RRP1B: variants seen among roughly 807,000 people sequenced by gnomAD.
RRP1B encodes ribosomal RNA processing protein 1 homolog B.
A neutral mutation model predicts 80.2 loss-of-function variants in RRP1B; 56 were observed. That is an observed-to-expected ratio of 0.70 (90% CI 0.56 to 0.87). RRP1B has a LOEUF of 0.87. Ranked by LOEUF, RRP1B falls within the 40% of genes least tolerant of loss-of-function variation. RRP1B has a pLI of 0.00. For synonymous variants in RRP1B, 351 were observed against 357.6 expected (o/e 0.98, Z 0.21); for missense variants, 807 against 939.8 (o/e 0.86, Z 1.85).
chr21:43,682,218 G>A (rs772726746), intron 8 of RRP1B, among the ~76,000 whole-genome samples: 4 of 152,234 alleles, frequency 2.6e-5, no homozygotes, highest in African/African-American at 9.6e-5. Flanking sequence ...GGGTCCCTCC[G>A]CTCCCCACAT....
chr21:43,691,290 A>G lies in RRP1B; in HGVS notation c.2020-149A>G, dbSNP rs2083085257. 1.5e-6 allele frequency: 1 copy of G among 645,444 alleles called. No individual in the cohort carries two copies. The highest frequency in any genetic ancestry group is 1.8e-5 in the African/African-American group (1 of 54,786). 40.0% of individuals were successfully genotyped at this position (645,444 alleles called of 1,614,324 possible). A position where few individuals can be genotyped will look rare whatever the true frequency, so the allele number is the denominator to read the frequency against. On this transcript the variant is annotated intron_variant, in intron 14 of 15. Coordinates refer to ENST00000340648, the MANE Select transcript of RRP1B (RefSeq NM_015056.3). The surrounding 1 kb of genome is among the most constrained non-coding windows in gnomAD (Gnocchi z 4.2). Reference sequence around the variant, plus strand: ...GAGGGTCGGTTTCAGTCTTGGCCGCAGTCCCTTTGGCCTCTCCCTATATGT... The same window carrying G: ...GAGGGTCGGTTTCAGTCTTGGCCGCGGTCCCTTTGGCCTCTCCCTATATGT...
rs2082938413 is a variant in RRP1B, at chr21:43,659,631, G to C, written c.-34G>C. The stretch of plus-strand genomic sequence containing the variant: ...GCTCGGCTGGCTGCAGCGGCACCGC[G>C]GGTTGCGCGGCCGGGGATGCTCCAG... On this transcript the variant is annotated 5_prime_UTR_variant, in exon 1 of 16. Transcript: ENST00000340648. This position sits in a 1 kb window ranked among gnomAD's most constrained non-coding sequence, Gnocchi z 4.2. The C allele has an allele frequency of 6.9e-6, 10 of 1,446,452 alleles. No homozygotes were observed. Among genetic ancestry groups the C allele is most frequent in the Non-Finnish European group, 8.2e-6 (9 of 1,097,920 alleles). 89.6% of individuals were successfully genotyped at this position (1,446,452 alleles called of 1,614,324 possible). A position where few individuals can be genotyped will look rare whatever the true frequency, so the allele number is the denominator to read the frequency against.
rs745999897 is a variant in RRP1B, at chr21:43,688,162, G to A, written c.1788G>A (p.Arg596=). The change falls in exon 13 of 16, where the codon AGG becomes AGA. Residue 596 remains arginine (R), a synonymous_variant. Transcript: ENST00000340648. ...PSQKTASLKK[R]KKMRVMSNLV... Reference sequence around the variant, plus strand: ...AGAAAACAGCAAGTTTGAAAAAGAGGAAGAAAATGAGAGTGATGTCAAACT... The same window carrying A: ...AGAAAACAGCAAGTTTGAAAAAGAGAAAGAAAATGAGAGTGATGTCAAACT... The A allele has an allele frequency of 1.3e-6, 2 of 1,577,390 alleles. No individual in the cohort carries two copies. The highest frequency in any genetic ancestry group is 1.7e-6 in the Non-Finnish European group (2 of 1,160,762).
intron 1 of RRP1B, among the ~76,000 whole-genome samples, chr21:43,666,365 A>G (rs2082977932): frequency 6.6e-6 from 1 of 151,954 alleles, no homozygotes; most frequent in Admixed American, 6.6e-5. Context: ...GGAGAAAAAC[A>G]AGGTGCTGGC....
At position 43,684,668 on chromosome 21, in the gene RRP1B, G is replaced by A. The variant is rs780230775; in HGVS notation, c.989+18G>A. 7.6e-6 allele frequency: 12 copies of A among 1,587,974 alleles called. No individual in the cohort carries two copies. In the Admixed American group the frequency reaches 2.0e-4, roughly 26 times the overall value. On this transcript the variant is annotated intron_variant, in intron 10 of 15. Coordinates refer to ENST00000340648, the MANE Select transcript of RRP1B (RefSeq NM_015056.3). ...ATCAAGAAGTCAGTAACTGGGGAGA[G>A]GGTTCTGACATCATCATTCCTTTAG... is the stretch of plus-strand genomic sequence containing the variant.
At chr21:43,690,240 G>T (rs778990570) in intron 13 of RRP1B, 48 bp from the exon 14 acceptor site, 19 of 1,602,184 alleles carry the variant, frequency 1.2e-5, no homozygotes, top group Non-Finnish European at 1.6e-5. Flanking sequence ...AGCACAGGAG[G>T]CTCTGTCGTC....
At chr21:43,681,762 G>A (rs1356065652) in intron 8 of RRP1B, among the ~76,000 whole-genome samples, 1 of 152,220 alleles carries the variant, frequency 6.6e-6, no homozygotes, top group Non-Finnish European at 1.5e-5. Context: ...GACCAGCTTG[G>A]GCAACATAAC....
chr21:43,681,634 C>G (rs2083044144), intron 8 of RRP1B, among the ~76,000 whole-genome samples: 1 of 152,164 alleles, frequency 6.6e-6, no homozygotes. Flanking sequence ...CCACCATGCC[C>G]GGCCAAGAAT....
rs1371354810 is a variant in RRP1B, at chr21:43,659,700, T to C, written c.36T>C (p.Phe12=). 6.5e-7 allele frequency: 1 copy of C among 1,528,392 alleles called. No homozygotes were observed. The highest frequency in any genetic ancestry group is 8.8e-7 in the Non-Finnish European group (1 of 1,137,008). The allele number at this position is 1,528,392 out of a possible 1,614,324, so 94.7% of individuals were successfully genotyped here. A position where few individuals can be genotyped will look rare whatever the true frequency, so the allele number is the denominator to read the frequency against. ...APAMQPAEIQ[F]AQRLASSEKG... is the part of the protein sequence containing the mutation. ...CCATGCAGCCGGCCGAGATCCAATT[T>C]GCCCAGCGGCTGGCGTCCAGCGAGA... The change falls in exon 1 of 16, where the codon TTT becomes TTC. Residue 12 remains phenylalanine, a synonymous_variant. Coordinates refer to ENST00000340648, the MANE Select transcript of RRP1B (RefSeq NM_015056.3). The surrounding 1 kb of genome is among the most constrained non-coding windows in gnomAD (Gnocchi z 4.2).
intron 13 of RRP1B, among the ~76,000 whole-genome samples, chr21:43,689,128 G>A (rs1163257613): frequency 4.6e-5 from 7 of 152,232 alleles, no homozygotes; most frequent in African/African-American, 1.4e-4. Flanking sequence ...GGCCAGGGCC[G>A]GCAAACGTAG....
intron 6 of RRP1B, among the ~76,000 whole-genome samples, chr21:43,675,629 G>C (rs1388220877): frequency 6.6e-6 from 1 of 151,912 alleles, no homozygotes; most frequent in East Asian, 1.9e-4. Context: ...GTATTTTTTT[G>C]ATTAAAAGAA....
At chr21:43,672,201 C>T in intron 2 of RRP1B, 107 bp from the exon 3 acceptor site, 1 of 878,472 alleles carries the variant, frequency 1.1e-6, no homozygotes, top group South Asian at 1.4e-5. Flanking sequence ...ACAAGAGGGG[C>T]AGACCTTCCC....
Position 43,683,280 on chromosome 21 carries a change from A to G in RRP1B, c.798A>G (p.Ala266=). ...LRRAVSKKKT[A]LGKNHSRKDG... is the part of the protein sequence containing the mutation. ...TGGTCTTTGGGTATATTTTGACAGCACTGGGCAAAAACCATTCCAGAAAAG... is the reference window on the plus strand; with the variant it reads ...TGGTCTTTGGGTATATTTTGACAGCGCTGGGCAAAAACCATTCCAGAAAAG... Residue 266 remains alanine, a splice_region_variant and synonymous_variant, in exon 9 of 16, where the codon GCA becomes GCG. Transcript: ENST00000340648. 1 of 1,613,928 alleles carries G rather than the reference A, an allele frequency of 6.2e-7. No individual in the cohort carries two copies. The highest frequency in any genetic ancestry group is 8.5e-7 in the Non-Finnish European group (1 of 1,179,772).
At position 43,691,493 on chromosome 21, in the gene RRP1B, A is replaced by G. The variant is rs1158957635; in HGVS notation, c.2074A>G (p.Met692Val). 6.2e-7 allele frequency: 1 copy of G among 1,614,096 alleles called. No homozygotes were observed. Residue 692 changes from methionine to valine, a missense_variant, in exon 15 of 16, where the codon ATG becomes GTG. Coordinates refer to ENST00000340648, the MANE Select transcript of RRP1B (RefSeq NM_015056.3). The surrounding 1 kb of genome is among the most constrained non-coding windows in gnomAD (Gnocchi z 4.2). ...AGTCACCTTTGGGCTGAACAGAAAC[A>G]TGACTGCCGGTAAGTGGGGTTTTGC... ...KKVTFGLNRN[M>V]TAEFKKTDKS... is the part of the protein sequence containing the mutation.
intron 1 of RRP1B, among the ~76,000 whole-genome samples, chr21:43,661,631 T>C (rs2082958063): frequency 6.6e-6 from 1 of 152,216 alleles, no homozygotes; most frequent in African/African-American, 2.4e-5. Context: ...ACTTCACTTG[T>C]GTCCCCAGGA....
At chr21:43,689,745 C>T (rs1443630665) in intron 13 of RRP1B, among the ~76,000 whole-genome samples, 3 of 152,236 alleles carry the variant, frequency 2.0e-5, no homozygotes, top group South Asian at 4.1e-4. Flanking sequence ...GCCCTCCAGG[C>T]GGCACACTTG....
Position 43,686,943 on chromosome 21 carries a change from G to A in RRP1B, c.1141+8G>A, listed in dbSNP as rs771224493. ...ACTTGGAAAAGGAGAAAGGTAAGCT[G>A]TAAAGCTAAAAAGAAGGGCACGACT... On this transcript the variant is annotated splice_region_variant and intron_variant, in intron 12 of 15. Coordinates refer to ENST00000340648, the MANE Select transcript of RRP1B (RefSeq NM_015056.3). 32 of 1,611,920 alleles carry A rather than the reference G, an allele frequency of 2.0e-5. No individual in the cohort carries two copies. Among genetic ancestry groups the A allele is most frequent in the East Asian group, 1.3e-4 (6 of 44,864 alleles).
At chr21:43,680,403 CA>C (rs34344066) in intron 8 of RRP1B, among the ~76,000 whole-genome samples, 11 of 148,518 alleles carry the variant, frequency 7.4e-5, no homozygotes, top group Admixed American at 6.7e-5. Flanking sequence ...ACTAAAAATA[CA>C]AAAAAAAAAA....
At chr21:43,686,747 C>T (rs2083064619) in intron 11 of RRP1B, 57 bp from the exon 12 acceptor site, 2 of 1,604,268 alleles carry the variant, frequency 1.2e-6, no homozygotes, top group Non-Finnish European at 1.7e-6. Context: ...TCTTAGGCCC[C>T]TGGGGCAGAG....
Sources: gnomAD v4.1 joint callset for allele counts (sites outside exome capture counted in the v4.1 genomes callset) on GRCh38, gnomAD v4.1.1 for gene constraint, Gnocchi (gnomAD v3.1) non-coding constraint, MANE v1.5 for transcripts, NCBI Gene and HGNC (gene_info 2026-07-23, HGNC 2026-07-21) for gene names.